CDH18: variants seen among roughly 807,000 people sequenced by gnomAD.
The protein encoded by CDH18 is cadherin 18.
Under a neutral mutation model 67.9 loss-of-function variants are expected in CDH18, and 31 were observed. The ratio of observed to expected loss-of-function variants is 0.46; its 90% CI spans 0.34 to 0.62. CDH18 has a LOEUF of 0.62. CDH18 is among the 20% of genes least tolerant of loss of function. CDH18 has a pLI of 0.01. For synonymous variants in CDH18, 362 were observed against 347.2 expected, an observed-to-expected ratio of 1.04 and a Z score of -0.48; for missense variants, 890 against 975.5, an observed-to-expected ratio of 0.91 and a Z score of 1.17.
chr5:20,475,899 G>C (rs1171897121), intron 1 of CDH18, among the ~76,000 whole-genome samples: 3 of 152,116 alleles, frequency 2.0e-5, no homozygotes, highest in Non-Finnish European at 2.9e-5. Flanking sequence ...TGAAGACCAG[G>C]TATACCACTT....
intron 1 of CDH18, among the ~76,000 whole-genome samples, chr5:20,570,800 T>C (rs1469011055): frequency 6.6e-6 from 1 of 152,108 alleles, no homozygotes; most frequent in African/African-American, 2.4e-5. Context: ...GGTGATTCTA[T>C]TTCTATGTTA....
intron 2 of CDH18, among the ~76,000 whole-genome samples, chr5:19,973,420 A>G (rs1170434852): frequency 6.6e-6 from 1 of 152,124 alleles, no homozygotes; most frequent in Non-Finnish European, 1.5e-5. Context: ...TGTACTTCAA[A>G]TTTATTTTCT....
At chr5:20,421,926 C>T (rs546542476) in intron 1 of CDH18, among the ~76,000 whole-genome samples, 1 of 150,852 alleles carries the variant, frequency 6.6e-6, no homozygotes, top group East Asian at 1.9e-4. Flanking sequence ...AGGACTTTGG[C>T]TTTATACCTA....
intron 5 of CDH18, among the ~76,000 whole-genome samples, chr5:19,669,220 AAT>A (rs1313150214): frequency 1.4e-5 from 2 of 146,202 alleles, no homozygotes; most frequent in East Asian, 1.9e-4. Flanking sequence ...AATTATATAT[AAT>A]ATATGTTTAA....
At chr5:19,494,750 C>G (rs796221977) in intron 11 of CDH18, among the ~76,000 whole-genome samples, 1 of 152,078 alleles carries the variant, frequency 6.6e-6, no homozygotes, top group Admixed American at 6.6e-5. Flanking sequence ...AGTAAGGGAT[C>G]GTAGGTAGAA....
At chr5:19,999,856 C>T (rs555350026) in intron 2 of CDH18, among the ~76,000 whole-genome samples, 1 of 152,278 alleles carries the variant, frequency 6.6e-6, no homozygotes, top group African/African-American at 2.4e-5. Context: ...TGAAGCAGCC[C>T]TACTCGTCAC....
intron 2 of CDH18, among the ~76,000 whole-genome samples, chr5:19,961,736 T>C (rs2033583243): frequency 6.6e-6 from 1 of 152,102 alleles, no homozygotes; most frequent in Admixed American, 6.5e-5. Flanking sequence ...ATTCTCTTAA[T>C]TTTAATGTTT....
At chr5:20,354,533 A>G (rs770246510) in intron 1 of CDH18, among the ~76,000 whole-genome samples, 9 of 152,034 alleles carry the variant, frequency 5.9e-5, no homozygotes, top group Non-Finnish European at 1.2e-4. Flanking sequence ...TCCTGCCCCA[A>G]ATGGGACTTC....
At chr5:19,770,837 T>A (rs929017146) in intron 3 of CDH18, among the ~76,000 whole-genome samples, 2 of 152,230 alleles carry the variant, frequency 1.3e-5, no homozygotes, top group African/African-American at 4.8e-5. Flanking sequence ...GTATCAGCAT[T>A]GCATTTTGTA....
At chr5:19,556,543 G>A (rs1312051426) in intron 8 of CDH18, among the ~76,000 whole-genome samples, 1 of 151,590 alleles carries the variant, frequency 6.6e-6, no homozygotes, top group Non-Finnish European at 1.5e-5. Context: ...TTGAAGACAA[G>A]GCTTTCAAAT....
At chr5:20,312,968 A>G (rs1203046708) in intron 1 of CDH18, among the ~76,000 whole-genome samples, 1 of 152,062 alleles carries the variant, frequency 6.6e-6, no homozygotes, top group Non-Finnish European at 1.5e-5. Flanking sequence ...GCAGTGCTAG[A>G]ACAATATTTA....
Position 19,971,297 on chromosome 5 carries a change from A to T in CDH18, c.-257+9763T>A, listed in dbSNP as rs145005788. Among the ~76,000 whole-genome samples the T allele has an allele frequency of 4.4e-3, 662 of 152,134 alleles. 5 individuals carry two copies. The highest frequency in any genetic ancestry group is 7.6e-3 in the Non-Finnish European group (518 of 67,924). On this transcript the variant is annotated intron_variant, in intron 2 of 12. Transcript: ENST00000382275. The stretch of plus-strand genomic sequence containing the variant: ...AACCATTAAAATAGAAGTACTCAAA[A>T]GTGACTTGCACCTTCAATTGTTCAA...
chr5:19,694,668 TGTGTG>T (rs766218911), intron 5 of CDH18, among the ~76,000 whole-genome samples: 2 of 151,786 alleles, frequency 1.3e-5, no homozygotes, highest in South Asian at 2.1e-4. Flanking sequence ...TGTGTGTGTG[TGTGTG>T]TGTCTGTGTG....
chr5:19,775,991 A>G (rs1774316617), intron 3 of CDH18, among the ~76,000 whole-genome samples: 1 of 152,160 alleles, frequency 6.6e-6, no homozygotes, highest in Non-Finnish European at 1.5e-5. Context: ...ATCAACAAAA[A>G]TGCAGATGTA....
intron 9 of CDH18, among the ~76,000 whole-genome samples, chr5:19,524,991 G>C (rs347726): frequency 0.41 from 61,874 of 151,906 alleles, 12,793 homozygotes; most frequent in South Asian, 0.51. Flanking sequence ...GTGATCCGCC[G>C]GCCTCGGTCT....
In CDH18 at chr5:20,249,242, A is replaced by T. The variant is rs2974600; in HGVS notation, c.-518+6202T>A. Among the ~76,000 whole-genome samples, 9 of 151,874 alleles carry T rather than the reference A, an allele frequency of 5.9e-5. No individual in the cohort carries two copies. The South Asian group carries it at 8.3e-4, about 14-fold the overall frequency. Reference sequence around the variant, plus strand: ...ATTATTTTTAAAACTTCATCAAAATAGTGTAAGTTTTTAGTATAAACCTGT... The same window carrying T: ...ATTATTTTTAAAACTTCATCAAAATTGTGTAAGTTTTTAGTATAAACCTGT... On this transcript the variant is annotated intron_variant, in intron 2 of 14. Transcript: ENST00000507958.
At chr5:20,205,868 T>A (rs1003654991) in intron 2 of CDH18, among the ~76,000 whole-genome samples, 2 of 150,554 alleles carry the variant, frequency 1.3e-5, no homozygotes, top group African/African-American at 4.9e-5. Context: ...AAGAGGGAAG[T>A]TTATAACAAT....
At chr5:19,676,189 T>C (rs1174218123) in intron 5 of CDH18, among the ~76,000 whole-genome samples, 3 of 151,932 alleles carry the variant, frequency 2.0e-5, no homozygotes, top group African/African-American at 7.3e-5. Flanking sequence ...ATGAGAAATA[T>C]GGGATTACAT....
chr5:20,508,385 C>G (rs375756287), intron 1 of CDH18, among the ~76,000 whole-genome samples: 1 of 132,154 alleles, frequency 7.6e-6, no homozygotes, highest in Non-Finnish European at 1.6e-5. Flanking sequence ...ATTTGGAAAA[C>G]TTTTGCTGAT....
Sources: gnomAD v4.1 joint callset for allele counts (sites outside exome capture counted in the v4.1 genomes callset) on GRCh38, gnomAD v4.1.1 for gene constraint, MANE v1.5 for transcripts, NCBI Gene and HGNC (gene_info 2026-07-23, HGNC 2026-07-21) for gene names.